The following DCST2 variants were observed in gnomAD, a reference collection of about 807,000 sequenced individuals.
The protein encoded by DCST2 is DC-STAMP domain containing 2, also known as DC-STAMP domain-containing protein 2.
Under a neutral mutation model 81.8 loss-of-function variants are expected in DCST2, and 64 were observed. The observed-to-expected ratio is 0.78, with a 90% CI of 0.64 to 0.96. DCST2 has a LOEUF of 0.96. DCST2 is among the 40% of genes least tolerant of loss of function. The pLI is 0.00. For synonymous variants in DCST2, 354 were observed against 402.6 expected, an observed-to-expected ratio of 0.88 and a Z score of 1.44; for missense variants, 945 against 1,001.4, an observed-to-expected ratio of 0.94 and a Z score of 0.76.
Position 155,026,312 on chromosome 1 carries a change from G to A in DCST2, c.1601C>T (p.Ser534Phe), listed in dbSNP as rs1197749238. 1.9e-6 allele frequency: 3 copies of A among 1,613,774 alleles called. No homozygotes were observed. The highest frequency in any genetic ancestry group is 8.5e-7 in the Non-Finnish European group (1 of 1,180,016). The change falls in exon 10 of 15, where the codon TCC becomes TTC. Residue 534 changes from serine (S) to phenylalanine (F), a missense_variant. Coordinates refer to ENST00000368424, the MANE Select transcript of DCST2 (RefSeq NM_144622.3). ...CCCCGGACCCCTCACCTGCTCCCGG[G>A]ATGGGTAGTAGGAGGCACAGATGAC... ...RRVICASYYP[S>F]REQERISYLY... is the part of the protein sequence containing the mutation.
Position 155,023,401 on chromosome 1 carries a change from A to G in DCST2, c.1927T>C (p.Ser643Pro). 1 of 1,608,220 alleles carries G rather than the reference A, an allele frequency of 6.2e-7. No individual in the cohort carries two copies. The highest frequency in any genetic ancestry group is 8.5e-7 in the Non-Finnish European group (1 of 1,177,194). The change falls in exon 13 of 15, where the codon TCT becomes CCT. Residue 643 changes from serine to proline, a missense_variant. Physicochemically the swap from Ser to Pro is moderately conservative, Grantham distance 74 (BLOSUM62 -1). Coordinates refer to ENST00000368424, the MANE Select transcript of DCST2 (RefSeq NM_144622.3). ...LLDNTCSVCASPLSYQGDLDL... is the reference protein window; with the variant it reads ...LLDNTCSVCAPPLSYQGDLDL... ...AGGTCCCCCTGGTAGGAGAGGGGAG[A>G]TGCACACACGGAGCAGGTATTGTCC...
In DCST2 at chr1:155,030,652, C is replaced by A; in HGVS notation, c.806-7G>T. 1 of 1,613,776 alleles carries A rather than the reference C, an allele frequency of 6.2e-7. No individual in the cohort carries two copies. ...TTGAGCAACTGAATCACGGCTGGGG[C>A]CAGCAGGTTCAGGGGAGACGTGGGC... is the stretch of plus-strand genomic sequence containing the variant. On this transcript the variant is annotated splice_polypyrimidine_tract_variant and splice_region_variant and intron_variant, in intron 5 of 14. Transcript: ENST00000368424.
At chr1:155,033,366 C>T (rs1660161404) in intron 1 of DCST2, 68 bp downstream of exon 1, 10 of 1,591,100 alleles carry the variant, frequency 6.3e-6, no homozygotes, top group East Asian at 2.2e-5. Context: ...CCTGCCTCTC[C>T]TCCAGCATCT....
At chr1:155,019,441 T>G (rs1659680455) in intron 14 of DCST2, among the ~76,000 whole-genome samples, 1 of 152,250 alleles carries the variant, frequency 6.6e-6, no homozygotes, top group Admixed American at 6.5e-5. Flanking sequence ...TTGGTTCTAT[T>G]GACCGTCATC....
intron 12 of DCST2, 53 bp downstream of exon 12, chr1:155,023,779 T>C (rs1659819457): frequency 6.2e-6 from 10 of 1,608,704 alleles, no homozygotes; most frequent in South Asian, 1.1e-5. Context: ...GATTGTCATA[T>C]GCAAGTGGGG....
Position 155,030,111 on chromosome 1 carries a change from G to T in DCST2, c.1150C>A (p.His384Asn). The change falls in exon 7 of 15, where the codon CAC (histidine) becomes AAC (asparagine). Residue 384 changes from histidine to asparagine, a missense_variant. Coordinates refer to ENST00000368424, the MANE Select transcript of DCST2 (RefSeq NM_144622.3). ...GGTGGGATGTAGCGCCTGGCCTCGT[G>T]AGCACTGAGCGGTAGCACTGTGGGC... ...GLPTVLPLSA[H>N]EARRYIPPGS... 5.0e-6 allele frequency: 8 copies of T among 1,613,956 alleles called. No individual in the cohort carries two copies. Among genetic ancestry groups the T allele is most frequent in the Non-Finnish European group, 6.8e-6 (8 of 1,180,008 alleles).
intron 5 of DCST2, 51 bp downstream of exon 5, chr1:155,031,118 G>T: frequency 1.3e-6 from 2 of 1,554,536 alleles, no homozygotes; most frequent in South Asian, 2.4e-5. Context: ...ACCGGGATGA[G>T]GGAGGGAGAC....
Position 155,031,780 on chromosome 1 carries a change from A to G in DCST2, c.542-9T>C. Reference sequence around the variant, plus strand: ...ATTCCGGAGAGCCCTGGCTGGGGACAGCTGCAGGGTTGGCACCCAGGGCTG... The same window carrying G: ...ATTCCGGAGAGCCCTGGCTGGGGACGGCTGCAGGGTTGGCACCCAGGGCTG... On this transcript the variant is annotated splice_polypyrimidine_tract_variant and intron_variant, in intron 3 of 14. Transcript: ENST00000368424. 6.2e-7 allele frequency: 1 copy of G among 1,613,148 alleles called. No individual in the cohort carries two copies. Among genetic ancestry groups the G allele is most frequent in the Non-Finnish European group, 8.5e-7 (1 of 1,179,894 alleles).
intron 6 of DCST2, 95 bp from the exon 7 acceptor site, chr1:155,030,336 C>A: frequency 6.3e-7 from 1 of 1,597,060 alleles, no homozygotes; most frequent in Non-Finnish European, 8.5e-7. Context: ...CTTCAACCTC[C>A]CTGGATGCTG....
At chr1:155,029,172 A>G (rs1659996502) in intron 8 of DCST2, 61 bp downstream of exon 8, 3 of 1,582,998 alleles carry the variant, frequency 1.9e-6, no homozygotes, top group Non-Finnish European at 2.6e-6. Context: ...CGGGGAGATC[A>G]GAAACAGGCC....
Position 155,031,195 on chromosome 1 carries a change from G to T in DCST2, c.779C>A (p.Pro260His), listed in dbSNP as rs1660063876. 2 of 1,592,758 alleles carry T rather than the reference G, an allele frequency of 1.3e-6. No individual in the cohort carries two copies. The highest frequency in any genetic ancestry group is 1.4e-5 in the African/African-American group (1 of 73,568). ...GGTGCCGATGGTCTGGCGCAAGAAGGGTTGAATGTACTTAGGGATGACGCA... is the reference window on the plus strand; with the variant it reads ...GGTGCCGATGGTCTGGCGCAAGAAGTGTTGAATGTACTTAGGGATGACGCA... ...VFCVIPKYIQ[P>H]FLRQTIGTPV... Residue 260 changes from proline (P) to histidine (H), a missense_variant, in exon 5 of 15, where the codon CCC becomes CAC. Transcript: ENST00000368424.
chr1:155,023,402 T>G lies in DCST2; in HGVS notation c.1926A>C (p.Ala642=), dbSNP rs1464190686. The G allele has an allele frequency of 6.2e-7, 1 of 1,608,028 alleles. No individual in the cohort carries two copies. Among genetic ancestry groups the G allele is most frequent in the Non-Finnish European group, 8.5e-7 (1 of 1,177,100 alleles). Residue 642 remains alanine (A), a synonymous_variant, in exon 13 of 15, where the codon GCA becomes GCC. Coordinates refer to ENST00000368424, the MANE Select transcript of DCST2 (RefSeq NM_144622.3). ...GGTCCCCCTGGTAGGAGAGGGGAGA[T>G]GCACACACGGAGCAGGTATTGTCCA... ...RLLDNTCSVC[A]SPLSYQGDLD... is the part of the protein sequence containing the mutation.
chr1:155,023,562 C>A, intron 12 of DCST2, 105 bp from the exon 13 acceptor site: 1 of 1,547,656 alleles, frequency 6.5e-7, no homozygotes, highest in Non-Finnish European at 8.7e-7. Flanking sequence ...CCTGGATGAA[C>A]CATCCTTGTC....
chr1:155,029,453 T>C (rs10908452), intron 7 of DCST2, 56 bp from the exon 8 acceptor site: 615,112 of 1,573,044 alleles, frequency 0.39, 131,164 homozygotes, highest in East Asian at 0.89. Context: ...GTCCACCAGA[T>C]CCCAGTTCTT....
rs1660064579 is a variant in DCST2 at position 155,031,212 on chromosome 1, G to T, written c.762C>A (p.Ile254=). 1 of 1,590,056 alleles carries T rather than the reference G, an allele frequency of 6.3e-7. No individual in the cohort carries two copies. The highest frequency in any genetic ancestry group is 8.5e-7 in the Non-Finnish European group (1 of 1,170,110). Residue 254 remains isoleucine (I), a synonymous_variant, in exon 5 of 15, where the codon ATC becomes ATA. Coordinates refer to ENST00000368424, the MANE Select transcript of DCST2 (RefSeq NM_144622.3). ...LASLVQVFCV[I]PKYIQPFLRQ... ...GCAAGAAGGGTTGAATGTACTTAGG[G>T]ATGACGCAGAACACCTGGACCACTG...
At chr1:155,031,515 T>TTCCCCCCCCCCCCCCCCCCC in intron 4 of DCST2, 59 bp downstream of exon 4, 7 of 643,126 alleles carry the variant, frequency 1.1e-5, no homozygotes, top group Non-Finnish European at 1.7e-5. Flanking sequence ...ACCCCCACAT[T>TTCCCCCCCCCCCCCCCCCCC]CCCACCCCAC....
chr1:155,022,556 C>T (rs1197946425), intron 14 of DCST2, among the ~76,000 whole-genome samples: 1 of 152,046 alleles, frequency 6.6e-6, no homozygotes, highest in Admixed American at 6.6e-5. Context: ...CATAGTGAGA[C>T]CCCCGTCTCT....
Position 155,033,207 on chromosome 1 carries a change from C to G in DCST2, c.326G>C (p.Cys109Ser). Reference protein sequence around the residue: ...AAFGLVLQGPCANTLRNFTRA... With the variant: ...AAFGLVLQGPSANTLRNFTRA... The stretch of plus-strand genomic sequence containing the variant: ...GGTGAAGTTGCGTAGAGTGTTGGCA[C>G]AAGGCCCTTGAAGCACCAACCCAAA... Residue 109 changes from cysteine (C) to serine (S), a missense_variant, in exon 2 of 15, where the codon TGT becomes TCT. Physicochemically the swap from Cys to Ser is moderately radical, Grantham distance 112. Transcript: ENST00000368424. 6.2e-7 allele frequency: 1 copy of G among 1,614,068 alleles called. No individual in the cohort carries two copies.
chr1:155,029,439 T>G (rs375070874), intron 7 of DCST2, 42 bp from the exon 8 acceptor site: 49 of 1,598,430 alleles, frequency 3.1e-5, no homozygotes, highest in Non-Finnish European at 4.1e-5. Flanking sequence ...TCCCCAGTTC[T>G]CCCGTCCACC....
Sources: allele counts gnomAD v4.1 joint callset (sites outside exome capture counted in the v4.1 genomes callset), GRCh38; gene constraint gnomAD v4.1.1; transcripts MANE v1.5; gene names NCBI Gene and HGNC (gene_info 2026-07-23, HGNC 2026-07-21).